The following TOR3A variants were observed in gnomAD, a reference collection of about 807,000 sequenced individuals.
TOR3A encodes the protein torsin-3A.
A neutral mutation model predicts 42.1 loss-of-function variants in TOR3A; 44 were observed. That is an observed-to-expected ratio of 1.04 (90% CI 0.82 to 1.34). The LOEUF (loss-of-function observed/expected upper bound fraction) is 1.34. Ranked by LOEUF, TOR3A falls within the 40% of genes most tolerant of loss-of-function variation. The pLI, the probability that TOR3A is intolerant of heterozygous loss-of-function variation, is 0.00. For missense variants in TOR3A, 521 were observed against 507.6 expected, an observed-to-expected ratio of 1.03 and a Z score of -0.25; for synonymous variants, 227 against 213.2, an observed-to-expected ratio of 1.06 and a Z score of -0.57.
rs559459548 is a variant in TOR3A, at chr1:179,093,322, A to G, written c.819-771A>G. On this transcript the variant is annotated intron_variant, in intron 4 of 5. Coordinates refer to ENST00000367627, the MANE Select transcript of TOR3A (RefSeq NM_022371.4). Reference sequence around the variant, plus strand: ...AGTTGCCCAGTGATATCACAACCTGAGAGAGATCACAGGCAAGCAAAAAAC... The same window carrying G: ...AGTTGCCCAGTGATATCACAACCTGGGAGAGATCACAGGCAAGCAAAAAAC... Among the ~76,000 whole-genome samples, 165 of 152,274 alleles carry G rather than the reference A, an allele frequency of 1.1e-3. 1 individual carries two copies. Among genetic ancestry groups the G allele is most frequent in the African/African-American group, 3.9e-3 (161 of 41,550 alleles).
At chr1:179,092,727 G>T (rs10158768) in intron 4 of TOR3A, among the ~76,000 whole-genome samples, 24,360 of 152,096 alleles carry the variant, frequency 0.16, 2,002 homozygotes, top group African/African-American at 0.18. Flanking sequence ...TGTAATCCCA[G>T]CTACTTGGGA....
chr1:179,093,783 C>T (rs573009259), intron 4 of TOR3A, among the ~76,000 whole-genome samples: 37 of 152,330 alleles, frequency 2.4e-4, no homozygotes, highest in Middle Eastern at 3.4e-3. Flanking sequence ...GAACCGAATA[C>T]ACGGATGCCC....
chr1:179,094,033 G>C, intron 4 of TOR3A, 60 bp from the exon 5 acceptor site: 2 of 1,579,570 alleles, frequency 1.3e-6, no homozygotes, highest in East Asian at 4.5e-5. Context: ...TCAGCGGTGA[G>C]ATAACATATA....
In TOR3A at chr1:179,090,969, GC is replaced by G. The variant is rs1281644361; in HGVS notation, c.818+2881del. Among the ~76,000 whole-genome samples the G allele has an allele frequency of 2.0e-5, 3 of 152,300 alleles. No individual in the cohort carries two copies. In the East Asian group the frequency reaches 5.8e-4, roughly 29 times the overall value. ...TATTTGTGGAGTCGTGGTGGGCCTT[GC>G]GCTCCAGCCCCCAGTGTCTGTTGGC... On this transcript the variant is annotated intron_variant, in intron 4 of 5. Coordinates refer to ENST00000367627, the MANE Select transcript of TOR3A (RefSeq NM_022371.4).
Position 179,083,060 on chromosome 1 carries a change from C to T in TOR3A, c.373+7C>T, listed in dbSNP as rs1375140719. ...ATCTCCAACAACTTTACAGGTTGGA[C>T]CCCGCATGGCTTCAAGGGGCTAGGG... On this transcript the variant is annotated splice_region_variant and intron_variant, in intron 2 of 5. Transcript: ENST00000367627. 1.3e-6 allele frequency: 2 copies of T among 1,485,954 alleles called. No homozygotes were observed. Among genetic ancestry groups the T allele is most frequent in the Non-Finnish European group, 1.8e-6 (2 of 1,107,534 alleles). 92.0% of individuals were successfully genotyped at this position (1,485,954 alleles called of 1,614,324 possible). A position where few individuals can be genotyped will look rare whatever the true frequency, so the allele number is the denominator to read the frequency against.
At position 179,082,257 on chromosome 1, in the gene TOR3A, G is replaced by C. The variant is rs1043208866; in HGVS notation, c.129G>C (p.Pro43=). ...TDEPGSAWAW[P]GFQRLQEQLR... ...AGCCGGGCTCGGCCTGGGCCTGGCC[G>C]GGCTTCCAGCGCCTGCAGGAGCAGC... The change falls in exon 1 of 6, where the codon CCG becomes CCC. Residue 43 remains proline, a synonymous_variant. Transcript: ENST00000367627. 3 of 1,552,188 alleles carry C rather than the reference G, an allele frequency of 1.9e-6. No individual in the cohort carries two copies. Among genetic ancestry groups the C allele is most frequent in the Non-Finnish European group, 2.6e-6 (3 of 1,156,544 alleles).
rs1173965543 is a variant in TOR3A, at chr1:179,094,103, G to A, written c.829G>A (p.Gly277Ser). The change falls in exon 5 of 6, where the codon GGC (glycine) becomes AGC (serine). Residue 277 changes from glycine (G) to serine (S), a missense_variant. Coordinates refer to ENST00000367627, the MANE Select transcript of TOR3A (RefSeq NM_022371.4). ...TCTTGTCTCTTTCAGTAATCTCAGGGGCGATATAATCAATGAGGTGGTCCT... is the reference window on the plus strand; with the variant it reads ...TCTTGTCTCTTTCAGTAATCTCAGGAGCGATATAATCAATGAGGTGGTCCT... ...TIFLFLSNLR[G>S]DIINEVVLKL... The A allele has an allele frequency of 6.2e-7, 1 of 1,613,562 alleles. No individual in the cohort carries two copies. Among genetic ancestry groups the A allele is most frequent in the Admixed American group, 1.7e-5 (1 of 59,898 alleles).
chr1:179,095,378 C>A lies in TOR3A; in HGVS notation c.*160C>A, dbSNP rs1004892461. ...ACTGGTGTGTAAAAGGCAGGCCTTA[C>A]ATTAGAAGCCAAGCCAATCCTTTTT... On this transcript the variant is annotated 3_prime_UTR_variant, in exon 6 of 6. Transcript: ENST00000367627. 1 of 1,482,262 alleles carries A rather than the reference C, an allele frequency of 6.7e-7. No individual in the cohort carries two copies. Among genetic ancestry groups the A allele is most frequent in the Middle Eastern group, 2.5e-4 (1 of 3,934 alleles). The allele number at this position is 1,482,262 out of a possible 1,614,324, so 91.8% of individuals were successfully genotyped here. A position where few individuals can be genotyped will look rare whatever the true frequency, so the allele number is the denominator to read the frequency against.
In TOR3A at chr1:179,095,131, G is replaced by A. The variant is rs758118250; in HGVS notation, c.1107G>A (p.Met369Ile). 1 of 1,614,212 alleles carries A rather than the reference G, an allele frequency of 6.2e-7. No individual in the cohort carries two copies. The highest frequency in any genetic ancestry group is 8.5e-7 in the Non-Finnish European group (1 of 1,180,028). ...AGACACTGGATGAAATAGCCCAGAT[G>A]ATGGTGTATGTCCCCAAGGAGGAAC... ...KEETLDEIAQ[M>I]MVYVPKEEQL... is the part of the protein sequence containing the mutation. The change falls in exon 6 of 6, where the codon ATG (methionine) becomes ATA (isoleucine). Residue 369 changes from methionine (M) to isoleucine (I), a missense_variant. By Grantham distance (10) the Met-to-Ile change is conservative. Transcript: ENST00000367627.
At chr1:179,094,913 T>A in intron 5 of TOR3A, 55 bp from the exon 6 acceptor site, 1 of 1,574,522 alleles carries the variant, frequency 6.4e-7, no homozygotes, top group South Asian at 1.1e-5. Flanking sequence ...CCCGCTAAAT[T>A]CCAGCTAGGT....
rs772178337 is a variant in TOR3A at position 179,094,160 on chromosome 1, G to A, written c.886G>A (p.Glu296Lys). 3.1e-6 allele frequency: 5 copies of A among 1,614,156 alleles called. No individual in the cohort carries two copies. Among genetic ancestry groups the A allele is most frequent in the Non-Finnish European group, 4.2e-6 (5 of 1,180,004 alleles). ...KLLKAGWSRE[E>K]ITMEHLEPHL... ...GCTCAAGGCTGGATGGTCCCGGGAAGAAATTACGATGGAACACCTGGAGCC... is the reference window on the plus strand; with the variant it reads ...GCTCAAGGCTGGATGGTCCCGGGAAAAAATTACGATGGAACACCTGGAGCC... The change falls in exon 5 of 6, where the codon GAA becomes AAA. Residue 296 changes from glutamate to lysine, a missense_variant. By Grantham distance (56) the Glu-to-Lys change is moderately conservative (BLOSUM62 1). Transcript: ENST00000367627.
chr1:179,084,474 T>C (rs1208243902), intron 2 of TOR3A, among the ~76,000 whole-genome samples: 1 of 152,178 alleles, frequency 6.6e-6, no homozygotes, highest in Non-Finnish European at 1.5e-5. Context: ...TCCGCCCGCC[T>C]CAGCCTCCCC....
At chr1:179,085,587 G>A in intron 2 of TOR3A, 41 bp from the exon 3 acceptor site, 1 of 1,605,152 alleles carries the variant, frequency 6.2e-7, no homozygotes, top group African/African-American at 1.3e-5. Context: ...GGATGGGCCT[G>A]TGTGTGCCTT....
intron 4 of TOR3A, among the ~76,000 whole-genome samples, chr1:179,092,696 C>T (rs1557889213): frequency 6.6e-6 from 1 of 152,154 alleles, no homozygotes; most frequent in Non-Finnish European, 1.5e-5. Context: ...AAAAAATTAG[C>T]TGGGCATTGT....
At chr1:179,083,131 G>A (rs1652340135) in intron 2 of TOR3A, 78 bp downstream of exon 2, 7 of 840,348 alleles carry the variant, frequency 8.3e-6, no homozygotes, top group South Asian at 2.4e-5. Flanking sequence ...TTAGATGCAA[G>A]GGACCTTTCG....
In TOR3A at chr1:179,095,826, AG is replaced by A; in HGVS notation, c.*611del. The A allele has an allele frequency of 4.1e-6, 4 of 986,904 alleles. No homozygotes were observed. The highest frequency in any genetic ancestry group is 4.8e-6 in the Non-Finnish European group (4 of 831,108). The allele number at this position is 986,904 out of a possible 1,614,324, so 61.1% of individuals were successfully genotyped here. A position where few individuals can be genotyped will look rare whatever the true frequency, so the allele number is the denominator to read the frequency against. ...GAATCAGCCAAGAGCCTGAGGCTGA[AG>A]GGAAAAGTACACAGAGGAAGATATT... On this transcript the variant is annotated 3_prime_UTR_variant, in exon 6 of 6. Coordinates refer to ENST00000367627, the MANE Select transcript of TOR3A (RefSeq NM_022371.4).
At position 179,084,545 on chromosome 1, in the gene TOR3A, G is replaced by T. The variant is rs556401569; in HGVS notation, c.374-1083G>T. On this transcript the variant is annotated intron_variant, in intron 2 of 5. Coordinates refer to ENST00000367627, the MANE Select transcript of TOR3A (RefSeq NM_022371.4). Reference sequence around the variant, plus strand: ...AGCCAGTTTCCTCAGCTTTAAATGGGAATAATAATGCCTGCCTTGCAGAAT... The same window carrying T: ...AGCCAGTTTCCTCAGCTTTAAATGGTAATAATAATGCCTGCCTTGCAGAAT... 3.9e-5 allele frequency among the ~76,000 whole-genome samples: 6 copies of T among 152,296 alleles called. 1 individual carries two copies. In the South Asian group the frequency reaches 8.3e-4, roughly 21 times the overall value.
chr1:179,085,664 A>T lies in TOR3A; in HGVS notation c.410A>T (p.Gln137Leu). 2 of 1,614,178 alleles carry T rather than the reference A, an allele frequency of 1.2e-6. No homozygotes were observed. The highest frequency in any genetic ancestry group is 1.7e-6 in the Non-Finnish European group (2 of 1,180,042). ...GACCTGAATGTGCGGCTGCATGGCC[A>T]GCATTTGGTCCAGCAGCTGGTCCTA... ...EWDLNVRLHGQHLVQQLVLRT... is the reference protein window; with the variant it reads ...EWDLNVRLHGLHLVQQLVLRT... Residue 137 changes from glutamine (Q) to leucine (L), a missense_variant, in exon 3 of 6, where the codon CAG becomes CTG. Coordinates refer to ENST00000367627, the MANE Select transcript of TOR3A (RefSeq NM_022371.4).
In TOR3A at chr1:179,089,015, G is replaced by T. The variant is rs546564980; in HGVS notation, c.818+926G>T. On this transcript the variant is annotated intron_variant, in intron 4 of 5. Coordinates refer to ENST00000367627, the MANE Select transcript of TOR3A (RefSeq NM_022371.4). ...GCAGGGCTCACTTTGTGAGGATGGG[G>T]AAGTTGGTGAGGGGATGCTGATTTT... is the stretch of plus-strand genomic sequence containing the variant. 1.6e-4 allele frequency among the ~76,000 whole-genome samples: 24 copies of T among 152,306 alleles called. No individual in the cohort carries two copies. In the East Asian group the frequency reaches 2.7e-3, roughly 17 times the overall value.
Sources: allele counts gnomAD v4.1 joint callset (sites outside exome capture counted in the v4.1 genomes callset), GRCh38; gene constraint gnomAD v4.1.1; transcripts MANE v1.5; gene names NCBI Gene and HGNC (gene_info 2026-07-23, HGNC 2026-07-21).